The following NT5DC4 variants were observed in gnomAD, a reference collection of about 807,000 sequenced individuals.
NT5DC4 encodes the protein 5'-nucleotidase domain-containing protein 4.
A neutral mutation model predicts 26.6 loss-of-function variants in NT5DC4; 44 were observed. That is an observed-to-expected ratio of 1.65 (90% CI 1.30 to 2.13). The LOEUF (loss-of-function observed/expected upper bound fraction) is 2.13, where lower values mean the gene tolerates loss of function less well. Ranked by LOEUF, NT5DC4 falls within the 30% of genes most tolerant of loss-of-function variation. The pLI is 0.00. For missense variants in NT5DC4, 399 were observed against 228.1 expected, an observed-to-expected ratio of 1.75 and a Z score of -4.83; for synonymous variants, 157 against 86.7, an observed-to-expected ratio of 1.81 and a Z score of -4.51.
chr2:112,724,607 C>G, intron 10 of NT5DC4, 174 bp from the exon 11 acceptor site: 1 of 611,112 alleles, frequency 1.6e-6, no homozygotes, highest in South Asian at 1.9e-5. Context: ...TGAGCACTTC[C>G]TAGTGCCCAG....
At chr2:112,721,929 G>A (rs1193479719) in intron 2 of NT5DC4, 38 bp downstream of exon 2, 2 of 717,396 alleles carry the variant, frequency 2.8e-6, no homozygotes, top group East Asian at 5.4e-5. Flanking sequence ...GGGAGCTGGA[G>A]GGAGCAGGGG....
downstream of NT5DC4, chr2:112,742,843 C>T (rs1574322739): frequency 2.2e-6 from 2 of 921,488 alleles, no homozygotes; most frequent in East Asian, 4.9e-5. Context: ...ACTTTAACTT[C>T]AAATACATGT....
intron 1 of NT5DC4, chr2:112,721,592 G>A (rs1214114831): frequency 2.8e-6 from 2 of 717,432 alleles, no homozygotes; most frequent in Admixed American, 2.0e-5. Context: ...TCAGATGCAC[G>A]CTTGCACACA....
Position 112,735,815 on chromosome 2 carries a change from C to T in NT5DC4, c.1345-3098C>T, listed in dbSNP as rs139346103. On this transcript the variant is annotated intron_variant, in intron 16 of 16. Coordinates refer to ENST00000688554, the MANE Select transcript of NT5DC4 (RefSeq NM_001393655.1). Reference sequence around the variant, plus strand: ...GTGTCTGCAAGACTCTATAGTCTGACGAGGCTGATCGAAACCTCCAATGTG... The same window carrying T: ...GTGTCTGCAAGACTCTATAGTCTGATGAGGCTGATCGAAACCTCCAATGTG... Among the ~76,000 whole-genome samples, 349 of 152,264 alleles carry T rather than the reference C, an allele frequency of 2.3e-3. 1 individual carries two copies. The highest frequency in any genetic ancestry group is 6.8e-3 in the Middle Eastern group (2 of 294).
chr2:112,740,743 A>G (rs1009489519), downstream of NT5DC4: 3 of 1,248,882 alleles, frequency 2.4e-6, no homozygotes, highest in African/African-American at 3.0e-5. Context: ...GTTACTCTAG[A>G]TCTGTGAAGG....
At chr2:112,724,466 G>A in intron 10 of NT5DC4, 1 of 569,324 alleles carries the variant, frequency 1.8e-6, no homozygotes, top group Non-Finnish European at 3.2e-6. Context: ...GTGTCACTGG[G>A]CAGGCAGCAG....
chr2:112,734,171 G>A (rs72823598), intron 16 of NT5DC4, among the ~76,000 whole-genome samples: 333 of 7,960 alleles, frequency 0.042, 2 homozygotes, highest in African/African-American at 0.081. Context: ...TTATATATAT[G>A]TGTGTGTGTG....
intron 16 of NT5DC4, among the ~76,000 whole-genome samples, chr2:112,733,153 C>T (rs1678678602): frequency 6.6e-6 from 1 of 152,022 alleles, no homozygotes; most frequent in African/African-American, 2.4e-5. Flanking sequence ...CCTACCCAGA[C>T]ACATTCATGA....
At chr2:112,731,882 A>G (rs1053448198) in intron 16 of NT5DC4, among the ~76,000 whole-genome samples, 1 of 151,928 alleles carries the variant, frequency 6.6e-6, no homozygotes, top group Admixed American at 6.6e-5. Context: ...CTGAGGATAA[A>G]TAAGGGACAA....
chr2:112,722,996 G>T, intron 6 of NT5DC4, 85 bp from the exon 7 acceptor site: 1 of 536,570 alleles, frequency 1.9e-6, no homozygotes. Flanking sequence ...TGTGGCTGGT[G>T]GGGTTGCTCT....
chr2:112,725,859 A>T (rs1013349238), intron 13 of NT5DC4, among the ~76,000 whole-genome samples: 1 of 39,438 alleles, frequency 2.5e-5, no homozygotes, highest in Non-Finnish European at 6.0e-5. Flanking sequence ...CTCCCCACCC[A>T]CCCCAAGGAT....
chr2:112,719,878 T>TCCC (rs1676670309), upstream of NT5DC4, among the ~76,000 whole-genome samples: 3 of 81,540 alleles, frequency 3.7e-5, no homozygotes, highest in African/African-American at 1.3e-4. Context: ...TTTCTTTCTC[T>TCCC]TTCTTTCTTT....
At chr2:112,729,514 G>C in intron 15 of NT5DC4, 113 bp from the exon 16 acceptor site, 2 of 669,290 alleles carry the variant, frequency 3.0e-6, no homozygotes, top group South Asian at 3.2e-5. Flanking sequence ...CAGCAACATC[G>C]TTGGGCAGGA....
intron 16 of NT5DC4, among the ~76,000 whole-genome samples, chr2:112,730,206 G>A (rs1031692667): frequency 1.6e-4 from 25 of 151,846 alleles, no homozygotes; most frequent in African/African-American, 6.0e-4. Context: ...CCAGCTACCC[G>A]GGAGGCTGAG....
chr2:112,721,537 A>G (rs920898377), intron 1 of NT5DC4: 2 of 717,884 alleles, frequency 2.8e-6, no homozygotes, highest in Non-Finnish European at 5.2e-6. Context: ...TGCCTATAAC[A>G]TGCCTGCATG....
rs1398265354 is a variant in NT5DC4, at chr2:112,734,263, A to C, written c.1344+4559A>C. ...AAACCTAATGAAACTGGTTTGAGAA[A>C]AAACAGAATTTATTGGTTCATATAA... On this transcript the variant is annotated intron_variant, in intron 16 of 16. Transcript: ENST00000688554. Among the ~76,000 whole-genome samples the C allele has an allele frequency of 2.0e-5, 3 of 151,716 alleles. No homozygotes were observed. In the East Asian group the frequency reaches 5.8e-4, roughly 29 times the overall value.
chr2:112,726,309 G>C lies in NT5DC4; in HGVS notation c.1205+20G>C, dbSNP rs984895736. 20 of 717,126 alleles carry C rather than the reference G, an allele frequency of 2.8e-5. No individual in the cohort carries two copies. The highest frequency in any genetic ancestry group is 2.4e-4 in the African/African-American group (14 of 57,210). 44.4% of individuals were successfully genotyped at this position (717,126 alleles called of 1,614,324 possible). Reference sequence around the variant, plus strand: ...ATACCAGTGAGACCCTGGCCTTTCTGGGGGTGGGATGGGGCAGGGAGAGGT... The same window carrying C: ...ATACCAGTGAGACCCTGGCCTTTCTCGGGGTGGGATGGGGCAGGGAGAGGT... On this transcript the variant is annotated intron_variant, in intron 14 of 16. Transcript: ENST00000688554.
intron 16 of NT5DC4, among the ~76,000 whole-genome samples, chr2:112,735,489 C>CA (rs986070796): frequency 4.9e-5 from 6 of 121,426 alleles, no homozygotes; most frequent in African/African-American, 1.5e-4. Context: ...TCCTCCCCCC[C>CA]CTTTTTTTCT....
chr2:112,738,522 A>C (rs897862455), intron 16 of NT5DC4: 13 of 286,658 alleles, frequency 4.5e-5, no homozygotes, highest in African/African-American at 2.9e-4. Flanking sequence ...GATATAAAAA[A>C]CTATGTTGGG....
Sources: allele counts gnomAD v4.1 joint callset (sites outside exome capture counted in the v4.1 genomes callset), GRCh38; gene constraint gnomAD v4.1.1; transcripts MANE v1.5; gene names NCBI Gene and HGNC (gene_info 2026-07-23, HGNC 2026-07-21).